The following FAM118A variants were observed in gnomAD, a reference collection of about 807,000 sequenced individuals.
FAM118A encodes SIR2 antiphage like 2, also known as protein FAM118A.
A neutral mutation model predicts 38.2 loss-of-function variants in FAM118A; 25 were observed. The ratio of observed to expected loss-of-function variants is 0.65; its 90% CI spans 0.48 to 0.91. The LOEUF (loss-of-function observed/expected upper bound fraction) is 0.91, where lower values mean the gene tolerates loss of function less well. FAM118A is among the 40% of genes least tolerant of loss of function. The pLI is 0.00. For missense variants in FAM118A, 425 were observed against 463.3 expected, an observed-to-expected ratio of 0.92 and a Z score of 0.76; for synonymous variants, 178 against 184.1, an observed-to-expected ratio of 0.97 and a Z score of 0.27.
intron 8 of FAM118A, among the ~76,000 whole-genome samples, chr22:45,340,054 C>G (rs984254022): frequency 6.6e-6 from 1 of 152,248 alleles, no homozygotes; most frequent in African/African-American, 2.4e-5. Context: ...GCTTATTCTT[C>G]TCCATACCTC....
intron 1 of FAM118A, among the ~76,000 whole-genome samples, chr22:45,311,705 C>T (rs1438815141): frequency 6.6e-6 from 1 of 152,012 alleles, no homozygotes; most frequent in African/African-American, 2.4e-5. Flanking sequence ...ATCCATGTGG[C>T]TGTGGTGGGG....
intron 6 of FAM118A, among the ~76,000 whole-genome samples, chr22:45,334,571 G>T (rs565330727): frequency 2.5e-4 from 38 of 152,304 alleles, no homozygotes; most frequent in Admixed American, 5.9e-4. Flanking sequence ...TGCTTGCCAT[G>T]TGTCACCCTC....
At position 45,323,205 on chromosome 22, in the gene FAM118A, G is replaced by T. The variant is rs2085006470; in HGVS notation, c.78G>T (p.Gln26His). Residue 26 changes from glutamine (Q) to histidine (H), a missense_variant, in exon 3 of 9, where the codon CAG becomes CAT. Physicochemically the swap from Gln to His is conservative, Grantham distance 24. Transcript: ENST00000441876. The stretch of plus-strand genomic sequence containing the variant: ...TTTTAAAAAGCCTCATCCGGAAACA[G>T]CCCCAGGAACTGCTCCTGGTTATCG... ...RKFLKSLIRK[Q>H]PQELLLVIGT... is the part of the protein sequence containing the mutation. 2 of 1,613,182 alleles carry T rather than the reference G, an allele frequency of 1.2e-6. No individual in the cohort carries two copies. The highest frequency in any genetic ancestry group is 1.3e-5 in the African/African-American group (1 of 74,918).
At chr22:45,329,510 A>G (rs1027155226) in intron 4 of FAM118A, 4 of 152,270 alleles carry the variant, frequency 2.6e-5, no homozygotes, top group African/African-American at 9.7e-5. Context: ...CTTTTGTGAC[A>G]TACTTGTGAC....
intron 8 of FAM118A, among the ~76,000 whole-genome samples, chr22:45,336,868 T>C (rs1162965338): frequency 6.6e-6 from 1 of 152,232 alleles, no homozygotes; most frequent in Admixed American, 6.5e-5. Flanking sequence ...ACTAGCCTGA[T>C]GCATGTCACC....
At chr22:45,319,485 A>G (rs1258737960) in intron 1 of FAM118A, among the ~76,000 whole-genome samples, 1 of 152,248 alleles carries the variant, frequency 6.6e-6, no homozygotes, top group Non-Finnish European at 1.5e-5. Context: ...AGGCCGCCTC[A>G]TCCACAGGCC....
At chr22:45,335,530 C>A in intron 7 of FAM118A, 148 bp downstream of exon 7, 1 of 865,998 alleles carries the variant, frequency 1.2e-6, no homozygotes, top group Non-Finnish European at 1.8e-6. Context: ...GATAAATAGC[C>A]ATGCCTTAGC....
chr22:45,324,380 C>T (rs574061914), intron 3 of FAM118A, among the ~76,000 whole-genome samples: 7 of 152,024 alleles, frequency 4.6e-5, no homozygotes, highest in South Asian at 4.2e-4. Context: ...TGTGCGTGCG[C>T]GGGGAGTGCG....
At chr22:45,324,443 A>G (rs1194846427) in intron 3 of FAM118A, among the ~76,000 whole-genome samples, 1 of 152,216 alleles carries the variant, frequency 6.6e-6, no homozygotes, top group Non-Finnish European at 1.5e-5. Context: ...AAGGGCCACC[A>G]CTGAAGTCAC....
At position 45,340,450 on chromosome 22, in the gene FAM118A, A is replaced by G. The variant is rs772473159; in HGVS notation, c.*45A>G. 1.4e-5 allele frequency: 23 copies of G among 1,608,676 alleles called. No homozygotes were observed. The East Asian group carries it at 5.1e-4, about 36-fold the overall frequency. ...GCAACTTGAAAACTAGCCTTCTGTAACCACAGTGCCCAAACGAAGAGGAAT... is the reference window on the plus strand; with the variant it reads ...GCAACTTGAAAACTAGCCTTCTGTAGCCACAGTGCCCAAACGAAGAGGAAT... On this transcript the variant is annotated 3_prime_UTR_variant, in exon 9 of 9. Transcript: ENST00000441876.
intron 5 of FAM118A, among the ~76,000 whole-genome samples, chr22:45,331,081 GC>G (rs2085680856): frequency 6.6e-6 from 1 of 152,138 alleles, no homozygotes; most frequent in Admixed American, 6.5e-5. Flanking sequence ...TGACATATAG[GC>G]CCCGTGCAGT....
At chr22:45,316,799 C>T (rs2084626842) in intron 1 of FAM118A, among the ~76,000 whole-genome samples, 1 of 152,186 alleles carries the variant, frequency 6.6e-6, no homozygotes. Flanking sequence ...AAGGGCTCAA[C>T]ATAAATCAAC....
At chr22:45,311,788 C>T (rs1007363867) in intron 1 of FAM118A, among the ~76,000 whole-genome samples, 1 of 152,086 alleles carries the variant, frequency 6.6e-6, no homozygotes, top group Non-Finnish European at 1.5e-5. Context: ...TAGTGGGGGA[C>T]TGTGGCTTTC....
chr22:45,330,543 T>C, intron 4 of FAM118A, 60 bp from the exon 5 acceptor site: 1 of 1,461,158 alleles, frequency 6.8e-7, no homozygotes, highest in South Asian at 1.5e-5. Context: ...CAGTATTTTC[T>C]TCTCTCTGTT....
Position 45,325,688 on chromosome 22 carries a change from A to G in FAM118A, c.301-2154A>G, listed in dbSNP as rs533595742. Among the ~76,000 whole-genome samples the G allele has an allele frequency of 9.2e-4, 140 of 152,088 alleles. 1 individual carries two copies. Among genetic ancestry groups the G allele is most frequent in the Non-Finnish European group, 1.7e-3 (113 of 68,014 alleles). ...AAGGCCTTGGGGGCTGTATGTGTGG[A>G]TGGCTGAGATGGACCAGGACTATTG... On this transcript the variant is annotated intron_variant, in intron 3 of 8. Transcript: ENST00000441876.
chr22:45,320,873 G>A (rs957373083), intron 1 of FAM118A, among the ~76,000 whole-genome samples: 4 of 152,324 alleles, frequency 2.6e-5, no homozygotes, highest in Admixed American at 2.6e-4. Flanking sequence ...TAACTCAGCA[G>A]TTCTTCTCAG....
chr22:45,334,280 G>C (rs1485034687), intron 6 of FAM118A, among the ~76,000 whole-genome samples: 2 of 152,158 alleles, frequency 1.3e-5, no homozygotes, highest in South Asian at 2.1e-4. Context: ...GGAAAGGCCT[G>C]TGCTGGCTCG....
At chr22:45,309,701 T>G (rs924980253), upstream of FAM118A, 1 of 152,064 alleles carries the variant, frequency 6.6e-6, no homozygotes, top group Admixed American at 6.5e-5. Context: ...GCGCAAGCCC[T>G]CCCCCGCACA....
At chr22:45,328,590 C>T in intron 4 of FAM118A, 2 of 642,534 alleles carry the variant, frequency 3.1e-6, no homozygotes, top group Admixed American at 2.4e-5. Context: ...TATGATCATG[C>T]CACTTATTCC....
Sources: gnomAD v4.1 joint callset for allele counts (sites outside exome capture counted in the v4.1 genomes callset) on GRCh38, gnomAD v4.1.1 for gene constraint, MANE v1.5 for transcripts, NCBI Gene and HGNC (gene_info 2026-07-23, HGNC 2026-07-21) for gene names.